CPPED1: variants seen among roughly 807,000 people sequenced by gnomAD.
CPPED1 encodes calcineurin like phosphoesterase domain containing 1, also known as serine/threonine-protein phosphatase CPPED1.
Under a neutral mutation model 28.0 loss-of-function variants are expected in CPPED1, and 28 were observed. The ratio of observed to expected loss-of-function variants is 1.00; its 90% CI spans 0.74 to 1.37. CPPED1 has a LOEUF of 1.37. Among genes scored for constraint, CPPED1 ranks in the 40% most tolerant of loss-of-function variants. CPPED1 has a pLI of 0.00. For synonymous variants in CPPED1, 198 were observed against 180.2 expected, an observed-to-expected ratio of 1.10 and a Z score of -0.79; for missense variants, 504 against 416.5, an observed-to-expected ratio of 1.21 and a Z score of -1.83.
chr16:12,708,195 C>T (rs570481416), intron 2 of CPPED1, among the ~76,000 whole-genome samples: 2 of 152,136 alleles, frequency 1.3e-5, no homozygotes, highest in African/African-American at 4.8e-5. Context: ...AGATGAGCCT[C>T]TTTCTTGTGT....
intron 1 of CPPED1, among the ~76,000 whole-genome samples, chr16:12,797,920 A>C (rs1170159644): frequency 6.6e-6 from 1 of 151,656 alleles, no homozygotes; most frequent in Admixed American, 6.6e-5. Context: ...TCTCTACAAA[A>C]AAATACTTAA....
intron 3 of CPPED1, among the ~76,000 whole-genome samples, chr16:12,673,323 C>T (rs1407164441): frequency 5.9e-5 from 9 of 152,214 alleles, no homozygotes; most frequent in South Asian, 2.1e-4. Context: ...CCTGGGGGAA[C>T]GCTGAACGGC....
chr16:12,742,991 G>A (rs781321367), intron 2 of CPPED1, among the ~76,000 whole-genome samples: 35 of 152,176 alleles, frequency 2.3e-4, no homozygotes, highest in Non-Finnish European at 3.4e-4. Context: ...GTGGCATTTT[G>A]TCTATGGGTC....
chr16:12,710,012 G>A (rs2080072115), intron 2 of CPPED1, among the ~76,000 whole-genome samples: 2 of 150,144 alleles, frequency 1.3e-5, no homozygotes, highest in South Asian at 2.1e-4. Context: ...AGGAAGGGAA[G>A]GAAGGGAGGG....
intron 3 of CPPED1, among the ~76,000 whole-genome samples, chr16:12,676,325 A>G (rs939484241): frequency 5.3e-5 from 8 of 152,184 alleles, no homozygotes; most frequent in African/African-American, 1.9e-4. Context: ...CAACAACTCA[A>G]GGTCTATAGC....
At chr16:12,732,162 T>C (rs1290435796) in intron 2 of CPPED1, among the ~76,000 whole-genome samples, 1 of 151,232 alleles carries the variant, frequency 6.6e-6, no homozygotes, top group Non-Finnish European at 1.5e-5. Context: ...AAAAAAATCA[T>C]TAGCATTCTC....
chr16:12,767,769 C>T (rs1278494964), intron 2 of CPPED1, among the ~76,000 whole-genome samples: 1 of 152,060 alleles, frequency 6.6e-6, no homozygotes, highest in Non-Finnish European at 1.5e-5. Flanking sequence ...ACCAGCCTGG[C>T]CAGCATGGTG....
At chr16:12,697,275 AT>A (rs66562036) in intron 3 of CPPED1, among the ~76,000 whole-genome samples, 1,802 of 152,110 alleles carry the variant, frequency 0.012, 32 homozygotes, top group African/African-American at 0.041. Flanking sequence ...TAATTAAATC[AT>A]TTTCTTTAAA....
chr16:12,788,091 T>C (rs968937257), intron 1 of CPPED1, among the ~76,000 whole-genome samples: 1 of 152,204 alleles, frequency 6.6e-6, no homozygotes, highest in African/African-American at 2.4e-5. Flanking sequence ...ATATGGCAGC[T>C]TGCAATATGG....
intron 2 of CPPED1, among the ~76,000 whole-genome samples, chr16:12,719,258 G>T (rs1028135111): frequency 1.3e-5 from 2 of 151,926 alleles, no homozygotes; most frequent in Non-Finnish European, 2.9e-5. Context: ...AGGTGCGGTG[G>T]CGGGCGCCTG....
intron 2 of CPPED1, among the ~76,000 whole-genome samples, chr16:12,763,513 G>A (rs749706536): frequency 3.5e-4 from 54 of 152,140 alleles, no homozygotes; most frequent in Admixed American, 9.8e-4. Flanking sequence ...AGAAGTAATC[G>A]TAGTTATTGG....
At chr16:12,752,319 A>G (rs11075154) in intron 2 of CPPED1, among the ~76,000 whole-genome samples, 126,285 of 152,002 alleles carry the variant, frequency 0.83, 52,921 homozygotes, top group African/African-American at 0.94. Flanking sequence ...CTCCTGAATC[A>G]CTGTTAGGGG....
chr16:12,688,403 G>A (rs773719957), intron 3 of CPPED1, among the ~76,000 whole-genome samples: 6 of 142,606 alleles, frequency 4.2e-5, no homozygotes, highest in East Asian at 2.0e-4. Context: ...CAAAATTTTC[G>A]CTCATTGCAA....
intron 2 of CPPED1, among the ~76,000 whole-genome samples, chr16:12,727,003 C>A (rs553274214): frequency 2.6e-5 from 4 of 152,020 alleles, no homozygotes; most frequent in Non-Finnish European, 4.4e-5. Flanking sequence ...AGGGGAAGGA[C>A]GCTGCCCCTC....
intron 3 of CPPED1, among the ~76,000 whole-genome samples, chr16:12,695,637 G>A (rs914114936): frequency 1.3e-5 from 2 of 152,184 alleles, no homozygotes; most frequent in African/African-American, 4.8e-5. Flanking sequence ...TGTGTAAACA[G>A]AATAGAACAT....
Position 12,786,506 on chromosome 16 carries a change from T to C in CPPED1, c.71-5103A>G, listed in dbSNP as rs144347948. Among the ~76,000 whole-genome samples, 337 of 152,342 alleles carry C rather than the reference T, an allele frequency of 2.2e-3. 1 individual carries two copies. The highest frequency in any genetic ancestry group is 7.9e-3 in the African/African-American group (330 of 41,582). On this transcript the variant is annotated intron_variant, in intron 1 of 3. Transcript: ENST00000381774. Reference sequence around the variant, plus strand: ...ACTTCTCTGGTCATTGTTAGGTCTCTGCCTATGTACAGGTCATGGATTTGG... The same window carrying C: ...ACTTCTCTGGTCATTGTTAGGTCTCCGCCTATGTACAGGTCATGGATTTGG...
chr16:12,802,935 TG>T (rs1452484207), intron 1 of CPPED1, among the ~76,000 whole-genome samples: 1 of 152,146 alleles, frequency 6.6e-6, no homozygotes, highest in Non-Finnish European at 1.5e-5. Flanking sequence ...GGTATAAAGC[TG>T]GTGAGAGCCT....
At chr16:12,795,280 C>T (rs1472392896) in intron 1 of CPPED1, among the ~76,000 whole-genome samples, 1 of 152,150 alleles carries the variant, frequency 6.6e-6, no homozygotes. Flanking sequence ...ACCTGGTAGG[C>T]AAAACCTCTG....
intron 2 of CPPED1, among the ~76,000 whole-genome samples, chr16:12,749,568 C>G (rs2080313761): frequency 6.6e-6 from 1 of 152,206 alleles, no homozygotes; most frequent in South Asian, 2.1e-4. Flanking sequence ...AATATTTTAA[C>G]CTCCTCCCAC....
Sources: allele counts gnomAD v4.1 joint callset (sites outside exome capture counted in the v4.1 genomes callset), GRCh38; gene constraint gnomAD v4.1.1; transcripts MANE v1.5; gene names NCBI Gene and HGNC (gene_info 2026-07-23, HGNC 2026-07-21).